TMEM108: variants seen among roughly 807,000 people sequenced by gnomAD.
TMEM108 encodes cancer/testis antigen 124.
Under a neutral mutation model 35.1 loss-of-function variants are expected in TMEM108, and 12 were observed. The ratio of observed to expected loss-of-function variants is 0.34; its 90% CI spans 0.22 to 0.55. The LOEUF (loss-of-function observed/expected upper bound fraction) is 0.55, where lower values mean the gene tolerates loss of function less well. TMEM108 is among the 20% of genes least tolerant of loss of function. The probability of loss-of-function intolerance (pLI) is 0.89; values close to 1 mark genes in which losing one functional copy is unlikely to be tolerated. For missense variants in TMEM108, 680 were observed against 753.3 expected (o/e 0.90, Z 1.14); for synonymous variants, 287 against 308.6 (o/e 0.93, Z 0.73).
intron 2 of TMEM108, among the ~76,000 whole-genome samples, chr3:133,052,305 A>G (rs997635396): frequency 6.6e-6 from 1 of 152,032 alleles, no homozygotes; most frequent in Admixed American, 6.6e-5. Flanking sequence ...TATGTAGGAA[A>G]ACAGTTGACC....
At chr3:133,387,406 T>C (rs2073168170) in intron 4 of TMEM108, 2 of 985,326 alleles carry the variant, frequency 2.0e-6, no homozygotes, top group African/African-American at 1.7e-5. Context: ...GAGAGAAATA[T>C]AATCAGGCCA....
At chr3:133,189,614 C>T (rs1259543422) in intron 2 of TMEM108, among the ~76,000 whole-genome samples, 1 of 152,164 alleles carries the variant, frequency 6.6e-6, no homozygotes, top group Non-Finnish European at 1.5e-5. Context: ...CAAAGTATCA[C>T]CAAGATGTCT....
At chr3:133,310,544 T>C (rs2071113020) in intron 3 of TMEM108, among the ~76,000 whole-genome samples, 2 of 124,976 alleles carry the variant, frequency 1.6e-5, no homozygotes, top group Admixed American at 1.6e-4. Context: ...TTTTTTTTTT[T>C]TTTTTTTTTT....
chr3:133,248,609 A>G (rs1406123815), intron 3 of TMEM108: 1 of 152,236 alleles, frequency 6.6e-6, no homozygotes, highest in Non-Finnish European at 1.5e-5. Context: ...TGTTTAAAAA[A>G]ATAAAACAAA....
intron 3 of TMEM108, among the ~76,000 whole-genome samples, chr3:133,266,411 C>T (rs1394052150): frequency 6.6e-6 from 1 of 152,208 alleles, no homozygotes; most frequent in East Asian, 1.9e-4. Context: ...GAAGTACTCA[C>T]ATAACATTGT....
intron 2 of TMEM108, among the ~76,000 whole-genome samples, chr3:133,125,342 C>T (rs1471320402): frequency 1.3e-5 from 2 of 152,174 alleles, no homozygotes; most frequent in Non-Finnish European, 2.9e-5. Flanking sequence ...GCTTTACTGC[C>T]GCATTAACAA....
chr3:133,163,318 G>A (rs891935189), intron 2 of TMEM108, among the ~76,000 whole-genome samples: 2 of 152,178 alleles, frequency 1.3e-5, no homozygotes, highest in Non-Finnish European at 2.9e-5. Flanking sequence ...GTCCAGTGGG[G>A]AAGAGGCAGG....
intron 4 of TMEM108, chr3:133,386,894 A>C (rs755780062): frequency 4.5e-6 from 3 of 662,386 alleles, no homozygotes; most frequent in Non-Finnish European, 5.6e-6. Flanking sequence ...TATGACCTTC[A>C]GTTACCTGTT....
intron 3 of TMEM108, among the ~76,000 whole-genome samples, chr3:133,231,865 G>T (rs1032628036): frequency 6.6e-6 from 1 of 152,154 alleles, no homozygotes; most frequent in Non-Finnish European, 1.5e-5. Context: ...GTTTACCTAA[G>T]TCTCCTCAAT....
intron 3 of TMEM108, among the ~76,000 whole-genome samples, chr3:133,309,996 G>A (rs888661800): frequency 2.6e-5 from 4 of 152,122 alleles, no homozygotes; most frequent in South Asian, 2.1e-4. Flanking sequence ...CACCGCGCCC[G>A]GCCTTGAGTG....
At chr3:133,097,728 T>C (rs1944033327) in intron 2 of TMEM108, among the ~76,000 whole-genome samples, 1 of 152,194 alleles carries the variant, frequency 6.6e-6, no homozygotes, top group South Asian at 2.1e-4. Flanking sequence ...CAGAGAGACA[T>C]AGAAATGTGG....
intron 3 of TMEM108, among the ~76,000 whole-genome samples, chr3:133,378,823 A>G (rs1267823861): frequency 1.9e-4 from 22 of 114,036 alleles, no homozygotes; most frequent in Non-Finnish European, 3.2e-4. Context: ...TTTTTTTTTT[A>G]ATGTTCAAAA....
At chr3:133,201,127 CTTACATT>C (rs1326686219) in intron 2 of TMEM108, among the ~76,000 whole-genome samples, 2 of 152,242 alleles carry the variant, frequency 1.3e-5, no homozygotes, top group African/African-American at 4.8e-5. Flanking sequence ...CTTCCCAGAA[CTTACATT>C]TTAATTTACA....
intron 3 of TMEM108, among the ~76,000 whole-genome samples, chr3:133,243,420 A>T (rs907805633): frequency 6.6e-6 from 1 of 151,772 alleles, no homozygotes; most frequent in Non-Finnish European, 1.5e-5. Flanking sequence ...ATAAAATATA[A>T]TTCTTATTTA....
chr3:133,230,081 C>T (rs1029286006), intron 3 of TMEM108, among the ~76,000 whole-genome samples: 2 of 152,308 alleles, frequency 1.3e-5, no homozygotes, highest in Admixed American at 6.5e-5. Context: ...ATAGGCATTA[C>T]CCGCTCCAGG....
chr3:133,117,861 C>T (rs370908542), intron 2 of TMEM108, among the ~76,000 whole-genome samples: 7 of 152,112 alleles, frequency 4.6e-5, no homozygotes, highest in East Asian at 1.9e-4. Context: ...GAACAGTTCC[C>T]GTTGCTTTTT....
intron 3 of TMEM108, among the ~76,000 whole-genome samples, chr3:133,284,557 A>G (rs1292290087): frequency 1.3e-5 from 2 of 152,208 alleles, no homozygotes. Context: ...TGCATAGGAT[A>G]GGAGCCTGAA....
intron 2 of TMEM108, among the ~76,000 whole-genome samples, chr3:133,180,908 A>G (rs547390090): frequency 6.6e-6 from 1 of 150,424 alleles, no homozygotes; most frequent in South Asian, 2.1e-4. Context: ...ACAACTTTTA[A>G]CACAAACTTC....
intron 3 of TMEM108, among the ~76,000 whole-genome samples, chr3:133,320,004 A>G (rs1037455157): frequency 3.9e-5 from 6 of 152,194 alleles, no homozygotes; most frequent in Non-Finnish European, 7.4e-5. Flanking sequence ...GCAGTGGCTC[A>G]TGCCTGTAAT....
Sources: allele counts gnomAD v4.1 joint callset (sites outside exome capture counted in the v4.1 genomes callset), GRCh38; gene constraint gnomAD v4.1.1; transcripts MANE v1.5; gene names NCBI Gene and HGNC (gene_info 2026-07-23, HGNC 2026-07-21).